ANKFY1: variants seen among roughly 807,000 people sequenced by gnomAD.
ANKFY1 encodes the protein ankyrin repeat and FYVE domain containing 1, also known as ankyrin repeat and FYVE domain-containing protein 1.
In ANKFY1, 47 loss-of-function variants were observed where a neutral mutation model predicts 128.3. The ratio of observed to expected loss-of-function variants is 0.37; its 90% CI spans 0.29 to 0.47. The LOEUF is 0.47. Among genes scored for constraint, ANKFY1 ranks in the 20% least tolerant of loss-of-function variants. ANKFY1 has a pLI of 1.00. For synonymous variants in ANKFY1, 553 were observed against 601.6 expected, an observed-to-expected ratio of 0.92 and a Z score of 1.18; for missense variants, 1,222 against 1,510.6, an observed-to-expected ratio of 0.81 and a Z score of 3.17.
intron 4 of ANKFY1, among the ~76,000 whole-genome samples, chr17:4,211,367 A>C (rs929156404): frequency 2.1e-4 from 32 of 151,478 alleles, no homozygotes; most frequent in African/African-American, 2.9e-4. Context: ...ACTGCACTCA[A>C]GCCTGGGTGA....
intron 1 of ANKFY1, among the ~76,000 whole-genome samples, chr17:4,245,090 T>C (rs1261231253): frequency 6.6e-6 from 1 of 152,156 alleles, no homozygotes; most frequent in Non-Finnish European, 1.5e-5. Flanking sequence ...CATTGCACTG[T>C]TGTCCATCCC....
At chr17:4,189,694 AGACAGTAGGCCCACG>A (rs1425984995) in intron 10 of ANKFY1, among the ~76,000 whole-genome samples, 6,157 of 148,978 alleles carry the variant, frequency 0.041, 163 homozygotes, top group African/African-American at 0.066. Context: ...GGCCCACGCC[AGACAGTAGGCCCACG>A]CCAGACAGTA....
Position 4,167,866 on chromosome 17 carries a change from C to T in ANKFY1, c.3423G>A (p.Glu1141=), listed in dbSNP as rs1198777198. Residue 1141 remains glutamate, a synonymous_variant, in exon 25 of 25, where the codon GAG becomes GAA. Coordinates refer to ENST00000341657, the MANE Select transcript of ANKFY1 (RefSeq NM_001330063.2). The surrounding 1 kb of genome is among the most constrained non-coding windows in gnomAD (Gnocchi z 4.1). The part of the protein sequence containing the change: ...RLLCHKCSTK[E]IPIIKFDLNK... ...TCAGATCAAACTTTATAATAGGAAT[C>T]TCCTTGGTCGAGCATTTATGGCAAA... 6.2e-7 allele frequency: 1 copy of T among 1,614,070 alleles called. No homozygotes were observed. The highest frequency in any genetic ancestry group is 8.5e-7 in the Non-Finnish European group (1 of 1,179,974).
intron 3 of ANKFY1, among the ~76,000 whole-genome samples, chr17:4,231,695 A>G (rs2060514809): frequency 6.6e-6 from 1 of 152,026 alleles, no homozygotes; most frequent in Non-Finnish European, 1.5e-5. Context: ...TAATCCCAAC[A>G]GGCCTTTGGG....
At chr17:4,192,762 C>T (rs926967585) in intron 10 of ANKFY1, among the ~76,000 whole-genome samples, 38 of 152,160 alleles carry the variant, frequency 2.5e-4, no homozygotes, top group Non-Finnish European at 5.0e-4. Context: ...AGCGAGTGGA[C>T]GAATTGGCTG....
At chr17:4,173,542 G>C (rs371114193) in intron 20 of ANKFY1, 98 bp from the exon 21 acceptor site, 2 of 1,151,284 alleles carry the variant, frequency 1.7e-6, no homozygotes, top group East Asian at 5.0e-5. Context: ...AATGGGACCC[G>C]GCCACAGCAG....
intron 18 of ANKFY1, 86 bp from the exon 19 acceptor site, chr17:4,177,388 A>T: frequency 7.9e-7 from 1 of 1,262,884 alleles, no homozygotes; most frequent in Non-Finnish European, 1.1e-6. Flanking sequence ...TGACCACTGG[A>T]GAGGTCACGA....
chr17:4,196,164 C>G, intron 8 of ANKFY1, among the ~76,000 whole-genome samples: 1 of 144,094 alleles, frequency 6.9e-6, no homozygotes, highest in African/African-American at 2.6e-5. Flanking sequence ...CACACACACA[C>G]ACACACACAC....
At chr17:4,217,194 T>C in intron 3 of ANKFY1, 76 bp from the exon 4 acceptor site, 2 of 1,539,658 alleles carry the variant, frequency 1.3e-6, no homozygotes, top group Non-Finnish European at 1.8e-6. Flanking sequence ...TCCCTAAAAT[T>C]TGAGGCTAAT....
intron 3 of ANKFY1, chr17:4,223,678 T>A: frequency 6.2e-7 from 1 of 1,601,722 alleles, no homozygotes; most frequent in African/African-American, 1.3e-5. Flanking sequence ...ACCTGAAAGA[T>A]GGTTACCGAA....
chr17:4,170,996 C>CG (rs1277781662), intron 22 of ANKFY1, 135 bp from the exon 23 acceptor site: 1 of 1,292,248 alleles, frequency 7.7e-7, no homozygotes, highest in Non-Finnish European at 1.1e-6. Context: ...CACAGACATA[C>CG]GGGGGCCCCG....
At position 4,195,190 on chromosome 17, in the gene ANKFY1, A is replaced by G; in HGVS notation, c.1173-13T>C. 2 of 1,596,474 alleles carry G rather than the reference A, an allele frequency of 1.3e-6. No homozygotes were observed. The highest frequency in any genetic ancestry group is 4.5e-5 in the East Asian group (2 of 44,642). On this transcript the variant is annotated splice_polypyrimidine_tract_variant and intron_variant, in intron 9 of 24. Transcript: ENST00000341657. ...TTCTAAATCTAGTCTGAAAAGCAGA[A>G]GCAGTGTCAACAGCACATACAATCT... is the stretch of plus-strand genomic sequence containing the variant.
In ANKFY1 at chr17:4,169,200, G is replaced by A; in HGVS notation, c.3375C>T (p.His1125=). Reference sequence around the variant, plus strand: ...TGCCAGTGACGCTGGGGTCTTACCAGTGGTGTTTGCGAGTGGTGACTCCGA... The same window carrying A: ...TGCCAGTGACGCTGGGGTCTTACCAATGGTGTTTGCGAGTGGTGACTCCGA... The part of the protein sequence containing the change: ...ARFGVTTRKH[H]CRHCGRLLCH... Residue 1125 remains histidine, a splice_region_variant and synonymous_variant, in exon 24 of 25, where the codon CAC becomes CAT. Transcript: ENST00000341657. The surrounding 1 kb of genome is among the most constrained non-coding windows in gnomAD (Gnocchi z 5.0). 6.4e-7 allele frequency: 1 copy of A among 1,551,828 alleles called. No individual in the cohort carries two copies.
At chr17:4,206,558 G>A in intron 6 of ANKFY1, 72 bp from the exon 7 acceptor site, 1 of 1,397,894 alleles carries the variant, frequency 7.2e-7, no homozygotes, top group East Asian at 2.3e-5. Flanking sequence ...CTCCCACCTT[G>A]ACCCTTAAAT....
intron 3 of ANKFY1, among the ~76,000 whole-genome samples, chr17:4,224,941 GTTT>G (rs963635669): frequency 7.6e-6 from 1 of 131,980 alleles, no homozygotes; most frequent in Non-Finnish European, 1.6e-5. Context: ...TTGAGTTGTC[GTTT>G]TTTTTTTTTT....
chr17:4,216,451 A>G (rs1176162949), intron 4 of ANKFY1: 1 of 164,038 alleles, frequency 6.1e-6, no homozygotes, highest in Admixed American at 5.7e-5. Context: ...GGAGAGCAAC[A>G]GAGAAAATGT....
intron 14 of ANKFY1, 52 bp downstream of exon 14, chr17:4,183,346 A>G: frequency 6.3e-7 from 1 of 1,586,586 alleles, no homozygotes; most frequent in Non-Finnish European, 8.6e-7. Context: ...TGCTTTTGAC[A>G]TCTCAATTAA....
chr17:4,196,844 G>T (rs2059833257), intron 8 of ANKFY1, among the ~76,000 whole-genome samples: 1 of 152,200 alleles, frequency 6.6e-6, no homozygotes, highest in East Asian at 1.9e-4. Flanking sequence ...TTAAAAGCTC[G>T]AAAACTGGCT....
chr17:4,173,467 A>G (rs1436283939), intron 20 of ANKFY1, 23 bp from the exon 21 acceptor site: 3 of 1,608,852 alleles, frequency 1.9e-6, no homozygotes, highest in East Asian at 2.2e-5. Context: ...TCCTCTTACT[A>G]TGCAAGCCCA....
Sources: allele counts gnomAD v4.1 joint callset (sites outside exome capture counted in the v4.1 genomes callset), GRCh38; gene constraint gnomAD v4.1.1; non-coding constraint Gnocchi (gnomAD v3.1); transcripts MANE v1.5; gene names NCBI Gene and HGNC (gene_info 2026-07-23, HGNC 2026-07-21).